Variants in ARHGAP10 observed in about 807,000 individuals in gnomAD.
ARHGAP10 encodes the protein Rho GTPase activating protein 10, also known as rho GTPase-activating protein 10.
A neutral mutation model predicts 108.6 loss-of-function variants in ARHGAP10; 87 were observed. The observed-to-expected ratio is 0.80, with a 90% CI of 0.67 to 0.96. The LOEUF (loss-of-function observed/expected upper bound fraction) is 0.96, where lower values mean the gene tolerates loss of function less well. Ranked by LOEUF, ARHGAP10 falls within the 40% of genes least tolerant of loss-of-function variation. The pLI is 0.00. For missense variants in ARHGAP10, 939 were observed against 954.5 expected (o/e 0.98, Z 0.21); for synonymous variants, 347 against 341.1 (o/e 1.02, Z -0.19).
At chr4:147,865,605 G>A (rs757756586) in intron 6 of ARHGAP10, 5 of 152,054 alleles carry the variant, frequency 3.3e-5, no homozygotes, top group Admixed American at 6.6e-5. Context: ...CTCATTCTCA[G>A]GATTCATTTT....
chr4:148,051,973 G>C (rs1729158044), intron 20 of ARHGAP10, among the ~76,000 whole-genome samples: 1 of 152,204 alleles, frequency 6.6e-6, no homozygotes, highest in Admixed American at 6.5e-5. Flanking sequence ...TTACTTGACT[G>C]TTGGTTCCAT....
chr4:147,869,863 T>C (rs1054371876), intron 7 of ARHGAP10, among the ~76,000 whole-genome samples: 5 of 152,174 alleles, frequency 3.3e-5, no homozygotes, highest in Non-Finnish European at 5.9e-5. Context: ...TTCTGTATCA[T>C]CTGCTATACC....
intron 1 of ARHGAP10, among the ~76,000 whole-genome samples, chr4:147,788,055 T>C (rs919170642): frequency 1.3e-5 from 2 of 152,168 alleles, no homozygotes; most frequent in African/African-American, 4.8e-5. Context: ...TCTCCACATC[T>C]CTTTTCCTTA....
intron 10 of ARHGAP10, among the ~76,000 whole-genome samples, chr4:147,906,213 C>A (rs987781488): frequency 1.3e-5 from 2 of 152,174 alleles, no homozygotes; most frequent in African/African-American, 4.8e-5. Context: ...AAAGCAGGGG[C>A]CTAAACAGGT....
At chr4:148,067,544 G>C (rs1217150618) in intron 22 of ARHGAP10, among the ~76,000 whole-genome samples, 1 of 152,162 alleles carries the variant, frequency 6.6e-6, no homozygotes. Flanking sequence ...CTCCCTTTCT[G>C]CAGACCAGCA....
chr4:147,816,557 C>T (rs1732255337), intron 1 of ARHGAP10, among the ~76,000 whole-genome samples: 1 of 152,198 alleles, frequency 6.6e-6, no homozygotes. Context: ...CAGAATAGAG[C>T]CAGAGACAAT....
chr4:147,947,881 C>A (rs897757496), intron 15 of ARHGAP10, among the ~76,000 whole-genome samples: 1 of 151,552 alleles, frequency 6.6e-6, no homozygotes, highest in African/African-American at 2.4e-5. Flanking sequence ...GCTCTATTAT[C>A]CTGCTTCTTG....
chr4:147,817,287 A>G (rs1264148306), intron 1 of ARHGAP10, among the ~76,000 whole-genome samples: 2 of 152,140 alleles, frequency 1.3e-5, no homozygotes, highest in East Asian at 3.8e-4. Context: ...TTGTAACTTA[A>G]GGGGTTATCC....
At chr4:147,828,711 C>T (rs191644860) in intron 3 of ARHGAP10, among the ~76,000 whole-genome samples, 1 of 152,216 alleles carries the variant, frequency 6.6e-6, no homozygotes, top group Admixed American at 6.5e-5. Context: ...TTGCATAGCC[C>T]CTTCCTTTCC....
chr4:147,954,833 G>A (rs1321732913), intron 15 of ARHGAP10, among the ~76,000 whole-genome samples: 2 of 151,800 alleles, frequency 1.3e-5, no homozygotes, highest in Non-Finnish European at 2.9e-5. Flanking sequence ...TCATCTTATA[G>A]GAATAAAGAT....
At chr4:147,887,407 C>T (rs192912307) in intron 10 of ARHGAP10, among the ~76,000 whole-genome samples, 114 of 149,476 alleles carry the variant, frequency 7.6e-4, no homozygotes, top group African/African-American at 2.7e-3. Context: ...TTTTGGCTCC[C>T]GGCAGCAAGT....
intron 1 of ARHGAP10, among the ~76,000 whole-genome samples, chr4:147,807,400 C>T (rs1731835048): frequency 6.7e-6 from 1 of 149,538 alleles, no homozygotes; most frequent in Admixed American, 6.6e-5. Context: ...AAAGGTGATA[C>T]AAGAAGAAAA....
intron 20 of ARHGAP10, among the ~76,000 whole-genome samples, chr4:148,052,245 C>T (rs941198649): frequency 6.6e-6 from 1 of 151,454 alleles, no homozygotes; most frequent in African/African-American, 2.4e-5. Flanking sequence ...TTCCCTCTCT[C>T]TCCTCCTTCA....
chr4:147,777,262 CTTT>C (rs1003730071), intron 1 of ARHGAP10, among the ~76,000 whole-genome samples: 2 of 137,390 alleles, frequency 1.5e-5, no homozygotes, highest in Admixed American at 7.3e-5. Context: ...GTGTGATTTT[CTTT>C]TTTTTTTTTT....
chr4:148,032,337 CCCCCCCCCCATA>C (rs953896337), intron 19 of ARHGAP10, among the ~76,000 whole-genome samples: 9 of 77,764 alleles, frequency 1.2e-4, no homozygotes, highest in Admixed American at 9.0e-4. Context: ...TCCCCCCCCC[CCCCCCCCCCATA>C]TTGTAGGCCA....
chr4:147,769,294 A>C (rs547951661), intron 1 of ARHGAP10, among the ~76,000 whole-genome samples: 18 of 152,304 alleles, frequency 1.2e-4, no homozygotes, highest in Admixed American at 1.0e-3. Context: ...TAGGGAAATT[A>C]CTCAGTAAAT....
At position 147,800,737 on chromosome 4, in the gene ARHGAP10, G is replaced by T. The variant is rs191984658; in HGVS notation, c.155-21990G>T. Among the ~76,000 whole-genome samples the T allele has an allele frequency of 8.1e-3, 1,230 of 152,182 alleles. 14 individuals carry two copies. The highest frequency in any genetic ancestry group is 0.028 in the African/African-American group (1,176 of 41,510). ...GGTTATCTCCTCTGCTATTTCCAGG[G>T]TTTATAGCGCTTAGTAGGGAGGAGC... On this transcript the variant is annotated intron_variant, in intron 1 of 22. Transcript: ENST00000336498.
At chr4:147,972,809 C>G (rs1167513994) in intron 18 of ARHGAP10, among the ~76,000 whole-genome samples, 2 of 151,576 alleles carry the variant, frequency 1.3e-5, no homozygotes, top group Non-Finnish European at 2.9e-5. Flanking sequence ...GGCTGGAGTG[C>G]AGTGGCATGG....
intron 15 of ARHGAP10, among the ~76,000 whole-genome samples, chr4:147,954,590 G>A (rs1174515496): frequency 6.6e-6 from 1 of 151,770 alleles, no homozygotes; most frequent in East Asian, 1.9e-4. Context: ...AATATCTTGC[G>A]AGATTACCCT....
Sources: gnomAD v4.1 joint callset for allele counts (sites outside exome capture counted in the v4.1 genomes callset) on GRCh38, gnomAD v4.1.1 for gene constraint, MANE v1.5 for transcripts, NCBI Gene and HGNC (gene_info 2026-07-23, HGNC 2026-07-21) for gene names.